ZC3H12B: variants seen among roughly 807,000 people sequenced by gnomAD.
ZC3H12B encodes zinc finger CCCH-type containing 12B.
ZC3H12B carries 7 observed loss-of-function variants against 43.9 expected under a neutral mutation model. The observed-to-expected ratio is 0.16, with a 90% CI of 0.09 to 0.30. The LOEUF is 0.30. Among genes scored for constraint, ZC3H12B ranks in the 10% least tolerant of loss-of-function variants. ZC3H12B has a pLI of 1.00. For synonymous variants in ZC3H12B, 222 were observed against 241.7 expected, an observed-to-expected ratio of 0.92 and a Z score of 0.76; for missense variants, 475 against 670.2, an observed-to-expected ratio of 0.71 and a Z score of 3.22.
chrX:65,253,722 G>A, the ZC3H12B span, among the ~76,000 whole-genome samples: 1 of 111,793 alleles, frequency 8.9e-6, no homozygotes, highest in African/African-American at 3.3e-5. Flanking sequence ...CCTGCCAAGG[G>A]CCCGCATCAT....
the ZC3H12B span, among the ~76,000 whole-genome samples, chrX:65,118,460 G>C: frequency 1.8e-5 from 2 of 111,004 alleles, no homozygotes; most frequent in Non-Finnish European, 3.8e-5. Context: ...AGGAGATTTT[G>C]GGCTGAGAAG....
the ZC3H12B span, among the ~76,000 whole-genome samples, chrX:65,236,677 T>C: frequency 8.9e-6 from 1 of 112,320 alleles, no homozygotes; most frequent in African/African-American, 3.2e-5. Flanking sequence ...TTTATAGTTT[T>C]GGGTTTTACA....
the ZC3H12B span, among the ~76,000 whole-genome samples, chrX:65,136,809 A>C: frequency 9.0e-6 from 1 of 111,508 alleles, no homozygotes; most frequent in Non-Finnish European, 1.9e-5. Flanking sequence ...TTTTATATAT[A>C]ATGTTCAAGA....
At chrX:65,079,286 C>T in the ZC3H12B span, among the ~76,000 whole-genome samples, 4 of 112,704 alleles carry the variant, frequency 3.5e-5, no homozygotes, top group East Asian at 2.8e-4. Flanking sequence ...ACCTGGGACC[C>T]GAGGGACCTC....
the ZC3H12B span, among the ~76,000 whole-genome samples, chrX:65,070,362 G>A: frequency 2.8e-5 from 3 of 109,070 alleles, no homozygotes; most frequent in East Asian, 2.9e-4. Flanking sequence ...GCTACTGGTC[G>A]GTCTAGTTTT....
the ZC3H12B span, among the ~76,000 whole-genome samples, chrX:65,302,288 A>G: frequency 8.9e-6 from 1 of 111,766 alleles, no homozygotes; most frequent in Non-Finnish European, 1.9e-5. Context: ...TGACCAAAAA[A>G]ACTTTTGAAC....
At chrX:65,411,798 G>T (rs187927501) in intron 3 of ZC3H12B, among the ~76,000 whole-genome samples, 8 of 109,500 alleles carry the variant, frequency 7.3e-5, no homozygotes, top group Non-Finnish European at 1.1e-4. Context: ...AAGGATAAAT[G>T]CTTGAGTGGA....
At chrX:65,121,364 C>A in the ZC3H12B span, among the ~76,000 whole-genome samples, 2 of 111,433 alleles carry the variant, frequency 1.8e-5, no homozygotes, top group Non-Finnish European at 3.8e-5. Flanking sequence ...CAGCTTCTTC[C>A]TGGTTTAGTC....
chrX:65,455,407 C>T (rs139223005), intron 3 of ZC3H12B, among the ~76,000 whole-genome samples: 6 of 111,053 alleles, frequency 5.4e-5, no homozygotes, highest in African/African-American at 6.5e-5. Context: ...TGAAATGAAG[C>T]GAGAAGAGAA....
At chrX:65,315,667 C>T in the ZC3H12B span, among the ~76,000 whole-genome samples, 2 of 111,664 alleles carry the variant, frequency 1.8e-5, no homozygotes, top group Non-Finnish European at 3.8e-5. Context: ...AAAAATCCAT[C>T]CAAAGGAGAG....
chrX:65,321,295 C>T, the ZC3H12B span, among the ~76,000 whole-genome samples: 3 of 111,367 alleles, frequency 2.7e-5, no homozygotes, highest in African/African-American at 6.5e-5. Context: ...CAAATGAAAA[C>T]GAAAAATCTC....
chrX:65,146,051 T>C, the ZC3H12B span, among the ~76,000 whole-genome samples: 1 of 111,646 alleles, frequency 9.0e-6, no homozygotes, highest in Admixed American at 9.5e-5. Flanking sequence ...AGGGAAGTTT[T>C]CCTCGATTAT....
At chrX:65,210,986 G>T in the ZC3H12B span, among the ~76,000 whole-genome samples, 1 of 64,126 alleles carries the variant, frequency 1.6e-5, no homozygotes, top group Non-Finnish European at 2.8e-5. Context: ...CACATTAGTG[G>T]GTGCAGTGCA....
the ZC3H12B span, among the ~76,000 whole-genome samples, chrX:65,192,028 A>G: frequency 2.7e-5 from 3 of 109,697 alleles, no homozygotes; most frequent in Non-Finnish European, 5.7e-5. Context: ...TTCAAAGAAC[A>G]TCTTTATTTC....
At chrX:65,288,953 T>C in the ZC3H12B span, among the ~76,000 whole-genome samples, 1 of 111,378 alleles carries the variant, frequency 9.0e-6, no homozygotes, top group Non-Finnish European at 1.9e-5. Context: ...AAAAATGTTC[T>C]AGCTGAGAAG....
At chrX:65,390,192 G>T (rs1602365661) in intron 2 of ZC3H12B, among the ~76,000 whole-genome samples, 1 of 110,598 alleles carries the variant, frequency 9.0e-6, no homozygotes, top group South Asian at 3.9e-4. Flanking sequence ...TCACTCATAG[G>T]TGGGAATTGA....
the ZC3H12B span, among the ~76,000 whole-genome samples, chrX:65,193,673 G>A: frequency 4.5e-5 from 5 of 110,802 alleles, no homozygotes; most frequent in Non-Finnish European, 9.5e-5. Context: ...ACTAATTTGT[G>A]GTTTCAATTG....
At chrX:65,342,327 C>G in the ZC3H12B span, among the ~76,000 whole-genome samples, 2 of 111,677 alleles carry the variant, frequency 1.8e-5, no homozygotes, top group Non-Finnish European at 3.8e-5. Context: ...CTACAGAACT[C>G]TTCACCCCAA....
chrX:65,060,845 G>T, the ZC3H12B span, among the ~76,000 whole-genome samples: 5 of 111,588 alleles, frequency 4.5e-5, no homozygotes, highest in African/African-American at 1.6e-4. Context: ...TTGGTTATTT[G>T]TTCTTCTTTC....
Sources: allele counts gnomAD v4.1 joint callset (sites outside exome capture counted in the v4.1 genomes callset), GRCh38; gene constraint gnomAD v4.1.1; transcripts MANE v1.5; gene names NCBI Gene and HGNC (gene_info 2026-07-23, HGNC 2026-07-21).